Variants in RPS4Y1 observed in about 807,000 individuals in gnomAD.
The protein encoded by RPS4Y1 is ribosomal protein S4 Y-linked 1.
For missense variants in RPS4Y1, 30 were observed against 60.9 expected (o/e 0.49, Z 1.69); for synonymous variants, 23 against 20.8 (o/e 1.10, Z -0.28).
At chrY:2,850,197 T>G in intron 4 of RPS4Y1, among the ~76,000 whole-genome samples, 1 of 33,918 alleles carries the variant, frequency 2.9e-5, no homozygotes, top group African/African-American at 1.2e-4. Flanking sequence ...GAGGCACCTT[T>G]AAAGAAAGAG....
At chrY:2,865,005 G>A in intron 5 of RPS4Y1, 83 bp from the exon 6 acceptor site, 4 of 249,767 alleles carry the variant, frequency 1.6e-5, no homozygotes, top group South Asian at 9.2e-5. Context: ...TGGTGAGCCC[G>A]TGTGTGTTAA....
At chrY:2,862,568 G>A in intron 5 of RPS4Y1, among the ~76,000 whole-genome samples, 1 of 33,750 alleles carries the variant, frequency 3.0e-5, no homozygotes, top group Non-Finnish European at 7.3e-5. Flanking sequence ...ATTTACATTA[G>A]TTTTGTTATG....
Position 2,841,602 on chromosome Y carries a change from C to T in RPS4Y1, c.-23C>T, listed in dbSNP as rs777139997. 1.3e-5 allele frequency: 5 copies of T among 394,582 alleles called. No homozygotes were observed. Among genetic ancestry groups the T allele is most frequent in the Non-Finnish European group, 7.1e-6 (2 of 281,141 alleles). On this transcript the variant is annotated 5_prime_UTR_variant, in exon 1 of 7. Coordinates refer to ENST00000250784, the MANE Select transcript of RPS4Y1 (RefSeq NM_001008.4). ...TGGTTGCACCGGAAAAGAACAGATT[C>T]TCTTCCGTCGCAGAGTTTCGCCATG...
rs775952489 is a variant in RPS4Y1 at position 2,854,620 on chromosome Y, G to A, written c.381G>A (p.Arg127=). 2.5e-6 allele frequency: 1 copy of A among 396,771 alleles called. No individual in the cohort carries two copies. Among genetic ancestry groups the A allele is most frequent in the Admixed American group, 7.4e-5 (1 of 13,495 alleles). ...TATAGTACAAGTTGTGCAAAGTGAG[G>A]AAGATTACTGTGGGAGTGAAGGGAA... The part of the protein sequence containing the change: ...EEAKYKLCKV[R]KITVGVKGIP... Residue 127 remains arginine, a synonymous_variant, in exon 5 of 7, where the codon AGG becomes AGA. Transcript: ENST00000250784.
At chrY:2,856,333 T>A (rs2051159874) in intron 5 of RPS4Y1, among the ~76,000 whole-genome samples, 1 of 32,594 alleles carries the variant, frequency 3.1e-5, no homozygotes, top group East Asian at 8.1e-4. Context: ...AAGACGGGGT[T>A]TCACCATGTT....
At chrY:2,850,240 T>G in intron 4 of RPS4Y1, among the ~76,000 whole-genome samples, 1 of 34,134 alleles carries the variant, frequency 2.9e-5, no homozygotes, top group Non-Finnish European at 7.3e-5. Context: ...GTTTCACATG[T>G]GCAGTTAAAG....
At chrY:2,847,733 A>G (rs2051153651) in intron 4 of RPS4Y1, among the ~76,000 whole-genome samples, 2 of 33,939 alleles carry the variant, frequency 5.9e-5, no homozygotes, top group Admixed American at 2.6e-4. Flanking sequence ...TCTTGGTGAA[A>G]TACATGGATG....
At chrY:2,842,457 C>A (rs916255819) in intron 2 of RPS4Y1, among the ~76,000 whole-genome samples, 2 of 31,721 alleles carry the variant, frequency 6.3e-5, no homozygotes, top group Non-Finnish European at 1.5e-4. Context: ...TTCCTTTGCT[C>A]TTTTAGCTCG....
chrY:2,857,149 A>G (rs2124490552), intron 5 of RPS4Y1, among the ~76,000 whole-genome samples: 6 of 33,212 alleles, frequency 1.8e-4, no homozygotes, highest in Admixed American at 5.4e-4. Flanking sequence ...ACAGTTCGTT[A>G]GTGTTGTTAA....
At chrY:2,866,729 G>A in intron 6 of RPS4Y1, 64 bp from the exon 7 acceptor site, 1 of 233,571 alleles carries the variant, frequency 4.3e-6, no homozygotes, top group Non-Finnish European at 7.1e-6. Context: ...GTGTTTTGGT[G>A]GGATGTTGTT....
chrY:2,850,977 G>A (rs2124489943), intron 4 of RPS4Y1, among the ~76,000 whole-genome samples: 1 of 26,629 alleles, frequency 3.8e-5, no homozygotes, highest in Non-Finnish European at 9.0e-5. Context: ...CCAAGTAGCT[G>A]GGACTACAGG....
chrY:2,865,801 C>A, intron 6 of RPS4Y1, among the ~76,000 whole-genome samples: 1 of 33,881 alleles, frequency 3.0e-5, no homozygotes, highest in East Asian at 7.6e-4. Context: ...TGAAATCATG[C>A]AGTATCCTTA....
chrY:2,867,058 C>T lies in RPS4Y1; in HGVS notation c.*164C>T. On this transcript the variant is annotated 3_prime_UTR_variant, in exon 7 of 7. Transcript: ENST00000250784. The stretch of plus-strand genomic sequence containing the variant: ...GAATACCACCTATACTTCCTCTGAC[C>T]CTCCAGTAAATAAACCTTTGCTTCC... 1 of 145,247 alleles carries T rather than the reference C, an allele frequency of 6.9e-6. No individual in the cohort carries two copies. Among genetic ancestry groups the T allele is most frequent in the Non-Finnish European group, 1.3e-5 (1 of 74,964 alleles). 36.2% of individuals were successfully genotyped at this position (145,247 alleles called of 400,897 possible). A position where few individuals can be genotyped will look rare whatever the true frequency, so the allele number is the denominator to read the frequency against.
chrY:2,842,019 A>G, intron 1 of RPS4Y1, 146 bp from the exon 2 acceptor site: 1 of 334,843 alleles, frequency 3.0e-6, no homozygotes, highest in Non-Finnish European at 4.3e-6. Flanking sequence ...AGGAAGTAAT[A>G]TTTGTTCAAA....
chrY:2,847,252 C>T, intron 4 of RPS4Y1, among the ~76,000 whole-genome samples: 1 of 33,531 alleles, frequency 3.0e-5, no homozygotes, highest in Non-Finnish European at 7.4e-5. Context: ...TATTAATCCA[C>T]CAGGTAGCAT....
chrY:2,850,880 G>A, intron 4 of RPS4Y1, among the ~76,000 whole-genome samples: 1 of 15,300 alleles, frequency 6.5e-5, no homozygotes, highest in Non-Finnish European at 1.4e-4. Flanking sequence ...GTCTCGCTCT[G>A]TCGCCCAGGC....
At chrY:2,860,582 G>C (rs993133113) in intron 5 of RPS4Y1, among the ~76,000 whole-genome samples, 1 of 33,532 alleles carries the variant, frequency 3.0e-5, no homozygotes, top group Non-Finnish European at 7.4e-5. Flanking sequence ...TGTTCTCAGG[G>C]CCTCCTCTTG....
chrY:2,843,760 T>C (rs757496868), intron 2 of RPS4Y1, among the ~76,000 whole-genome samples: 1 of 32,830 alleles, frequency 3.0e-5, no homozygotes, highest in East Asian at 8.1e-4. Context: ...TGGGATGTAG[T>C]GTTGTGTTCA....
intron 5 of RPS4Y1, among the ~76,000 whole-genome samples, chrY:2,859,781 C>CT (rs2051162282): frequency 9.1e-5 from 3 of 33,077 alleles, no homozygotes; most frequent in Admixed American, 2.7e-4. Flanking sequence ...TTCTTTCTTT[C>CT]TTTTTTTCAT....
Sources: gnomAD v4.1 joint callset for allele counts (sites outside exome capture counted in the v4.1 genomes callset) on GRCh38, gnomAD v4.1.1 for gene constraint, MANE v1.5 for transcripts, NCBI Gene and HGNC (gene_info 2026-07-23, HGNC 2026-07-21) for gene names.